Variants in DNAI4 observed in about 807,000 individuals in gnomAD.
The protein encoded by DNAI4 is WD repeat domain 78.
Under a neutral mutation model 105.8 loss-of-function variants are expected in DNAI4, and 85 were observed. That is an observed-to-expected ratio of 0.80 (90% CI 0.67 to 0.96). DNAI4 has a LOEUF of 0.96. Ranked by LOEUF, DNAI4 falls within the 40% of genes least tolerant of loss-of-function variation. The pLI, the probability that DNAI4 is intolerant of heterozygous loss-of-function variation, is 0.00. For missense variants in DNAI4, 1,014 were observed against 1,005.6 expected (o/e 1.01, Z -0.11); for synonymous variants, 352 against 331.5 (o/e 1.06, Z -0.67).
At chr1:66,836,202 AAGAAAG>A (rs1170639783) in intron 10 of DNAI4, among the ~76,000 whole-genome samples, 1,514 of 50,916 alleles carry the variant, frequency 0.03, 89 homozygotes, top group African/African-American at 0.05. Context: ...GAAAGAAAGA[AAGAAAG>A]AGAGAGAGAG....
intron 8 of DNAI4, among the ~76,000 whole-genome samples, chr1:66,842,172 GAAT>G (rs1646163811): frequency 6.6e-6 from 1 of 152,136 alleles, no homozygotes; most frequent in African/African-American, 2.4e-5. Flanking sequence ...ACTTAGTGAT[GAAT>G]AATATTCCAT....
chr1:66,821,257 C>A (rs912485508), intron 16 of DNAI4, among the ~76,000 whole-genome samples: 2 of 152,058 alleles, frequency 1.3e-5, no homozygotes, highest in Middle Eastern at 3.4e-3. Context: ...CGCCACTACA[C>A]CCAGCTAATT....
At chr1:66,821,091 CTTTTTTTTT>C (rs55811909) in intron 16 of DNAI4, among the ~76,000 whole-genome samples, 49 of 80,326 alleles carry the variant, frequency 6.1e-4, no homozygotes, top group African/African-American at 2.2e-3. Context: ...AAACATTTCT[CTTTTTTTTT>C]TTTTTTTTTT....
At position 66,829,610 on chromosome 1, in the gene DNAI4, T is replaced by C. The variant is rs1280661978; in HGVS notation, c.2014-1700A>G. On this transcript the variant is annotated intron_variant, in intron 13 of 16. Coordinates refer to ENST00000371026, the MANE Select transcript of DNAI4 (RefSeq NM_024763.5). ...AATTACAAGGAAAAATAGACAAATC[T>C]ACAATTATGGTTGGAGACTTTATTA... Among the ~76,000 whole-genome samples the C allele has an allele frequency of 4.6e-5, 7 of 152,290 alleles. No homozygotes were observed. The East Asian group carries it at 1.3e-3, about 29-fold the overall frequency.
chr1:66,902,085 A>T (rs1648868209), intron 2 of DNAI4, among the ~76,000 whole-genome samples: 1 of 152,090 alleles, frequency 6.6e-6, no homozygotes, highest in Non-Finnish European at 1.5e-5. Flanking sequence ...TTCCTGCCTC[A>T]GCTTCTCAAA....
Position 66,892,989 on chromosome 1 carries a change from GA to G in DNAI4, c.530+239del, listed in dbSNP as rs1553227511. ...AGAAAGAAAGAAAGAAAGAAAGAAA[GA>G]AAGAAAGAGAGAAAGAGAGAGAGGA... On this transcript the variant is annotated intron_variant, in intron 3 of 16. Coordinates refer to ENST00000371026, the MANE Select transcript of DNAI4 (RefSeq NM_024763.5). Among the ~76,000 whole-genome samples the G allele has an allele frequency of 5.1e-3, 605 of 118,220 alleles. 4 individuals carry two copies. The highest frequency in any genetic ancestry group is 0.017 in the Middle Eastern group (4 of 234). 77.6% of individuals were successfully genotyped at this position (118,220 alleles called of 152,430 possible). A position where few individuals can be genotyped will look rare whatever the true frequency, so the allele number is the denominator to read the frequency against.
At chr1:66,891,059 T>G (rs1001343650) in intron 4 of DNAI4, 95 bp downstream of exon 4, 19 of 979,664 alleles carry the variant, frequency 1.9e-5, no homozygotes, top group Non-Finnish European at 3.1e-5. Flanking sequence ...TGGAAATCAT[T>G]ACCATATTTC....
intron 3 of DNAI4, among the ~76,000 whole-genome samples, 195 bp downstream of exon 3, chr1:66,893,034 G>GA (rs1553227588): frequency 8.8e-5 from 8 of 91,168 alleles, no homozygotes; most frequent in African/African-American, 3.8e-4. Context: ...AAGAAAGAGA[G>GA]GAAAGAAAGA....
intron 1 of DNAI4, among the ~76,000 whole-genome samples, chr1:66,914,874 T>TA (rs1557986658): frequency 6.6e-6 from 1 of 152,202 alleles, no homozygotes; most frequent in Non-Finnish European, 1.5e-5. Context: ...AATCAGGTAC[T>TA]AAAAAGGAAA....
chr1:66,892,953 G>GAAAGAAAGAAAGAA (rs1557964305), intron 3 of DNAI4, among the ~76,000 whole-genome samples: 1 of 71,168 alleles, frequency 1.4e-5, no homozygotes, highest in African/African-American at 7.3e-5. Flanking sequence ...AGAAAGAGAA[G>GAAAGAAAGAAAGAA]AAAGAAAGAA....
At chr1:66,850,211 C>A (rs1298359377) in intron 7 of DNAI4, among the ~76,000 whole-genome samples, 1 of 149,436 alleles carries the variant, frequency 6.7e-6, no homozygotes, top group African/African-American at 2.5e-5. Context: ...GGGGAAAATA[C>A]TTTGAATAGC....
chr1:66,884,926 T>C (rs1647161401), intron 4 of DNAI4, among the ~76,000 whole-genome samples: 1 of 152,236 alleles, frequency 6.6e-6, no homozygotes, highest in African/African-American at 2.4e-5. Flanking sequence ...AGTGGAAACC[T>C]AAGTTATTAA....
intron 7 of DNAI4, among the ~76,000 whole-genome samples, chr1:66,859,217 C>A (rs1646571989): frequency 6.6e-6 from 1 of 152,086 alleles, no homozygotes; most frequent in Non-Finnish European, 1.5e-5. Context: ...TGCTCAATAT[C>A]ACATTAGGGG....
At chr1:66,875,708 A>C (rs144192915) in intron 4 of DNAI4, among the ~76,000 whole-genome samples, 35 of 152,192 alleles carry the variant, frequency 2.3e-4, no homozygotes, top group African/African-American at 7.9e-4. Context: ...GGGATAGGTA[A>C]AGCTTGGACA....
chr1:66,905,423 GA>G (rs1271497093), intron 1 of DNAI4, 48 bp from the exon 2 acceptor site: 1 of 1,270,226 alleles, frequency 7.9e-7, no homozygotes, highest in Non-Finnish European at 1.0e-6. Flanking sequence ...AGATTGAAAA[GA>G]AAAATCAACC....
At chr1:66,910,853 T>C (rs1649606178) in intron 1 of DNAI4, among the ~76,000 whole-genome samples, 1 of 152,174 alleles carries the variant, frequency 6.6e-6, no homozygotes. Flanking sequence ...AGTACCCAAG[T>C]GTGGAAAAAA....
chr1:66,889,368 A>G (rs1242012289), intron 4 of DNAI4, among the ~76,000 whole-genome samples: 1 of 152,170 alleles, frequency 6.6e-6, no homozygotes, highest in African/African-American at 2.4e-5. Flanking sequence ...TAAAATGCCC[A>G]GAGTGAGCTA....
At chr1:66,834,229 G>C in intron 11 of DNAI4, 81 bp from the exon 12 acceptor site, 1 of 1,106,852 alleles carries the variant, frequency 9.0e-7, no homozygotes, top group Non-Finnish European at 1.2e-6. Flanking sequence ...GATAAGGTCA[G>C]CTTTCTAGAA....
At chr1:66,835,871 G>C (rs953200259) in intron 10 of DNAI4, 94 bp from the exon 11 acceptor site, 4 of 1,117,122 alleles carry the variant, frequency 3.6e-6, no homozygotes, top group Non-Finnish European at 5.3e-6. Context: ...GTGGCAGTGG[G>C]TATGTGAGCA....
Sources: allele counts gnomAD v4.1 joint callset (sites outside exome capture counted in the v4.1 genomes callset), GRCh38; gene constraint gnomAD v4.1.1; transcripts MANE v1.5; gene names NCBI Gene and HGNC (gene_info 2026-07-23, HGNC 2026-07-21).